Variants in STON1 observed in about 807,000 individuals in gnomAD.
The protein encoded by STON1 is stonin 1.
In STON1, 79 loss-of-function variants were observed where a neutral mutation model predicts 60.9. That is an observed-to-expected ratio of 1.30 (90% CI 1.08 to 1.56). The LOEUF is 1.56. Among genes scored for constraint, STON1 ranks in the 40% most tolerant of loss-of-function variants. The pLI, the probability that STON1 is intolerant of heterozygous loss-of-function variation, is 0.00. For missense variants in STON1, 1,166 were observed against 858.9 expected, an observed-to-expected ratio of 1.36 and a Z score of -4.47; for synonymous variants, 363 against 306.9, an observed-to-expected ratio of 1.18 and a Z score of -1.91.
chr2:48,543,828 G>A lies in STON1; in HGVS notation c.-48+13612G>A, dbSNP rs527530564. 2.4e-4 allele frequency among the ~76,000 whole-genome samples: 37 copies of A among 152,178 alleles called. 1 individual carries two copies. The South Asian group carries it at 7.1e-3, about 29-fold the overall frequency. On this transcript the variant is annotated intron_variant, in intron 1 of 3. Transcript: ENST00000404752. ...ATTACAGGCGTGAGCCACCACTCCCGACAACGATAACATTTTAAATGAAAA... is the reference window on the plus strand; with the variant it reads ...ATTACAGGCGTGAGCCACCACTCCCAACAACGATAACATTTTAAATGAAAA...
rs1330528971 is a variant in STON1, at chr2:48,581,856, A to G, written c.1223A>G (p.Lys408Arg). Reference protein sequence around the residue: ...MKLPAVSKPKKNYEEQEISLE... With the variant: ...MKLPAVSKPKRNYEEQEISLE... ...TTGCCAGCTGTTTCAAAACCAAAAAAGAACTACGAGGAGCAAGAAATTTCC... is the reference window on the plus strand; with the variant it reads ...TTGCCAGCTGTTTCAAAACCAAAAAGGAACTACGAGGAGCAAGAAATTTCC... The change falls in exon 2 of 4, where the codon AAG (lysine) becomes AGG (arginine). Residue 408 changes from lysine (K) to arginine (R), a missense_variant. By Grantham distance (26) the Lys-to-Arg change is conservative (BLOSUM62 2). Coordinates refer to ENST00000404752, the MANE Select transcript of STON1 (RefSeq NM_006873.4). The G allele has an allele frequency of 6.2e-7, 1 of 1,614,220 alleles. No individual in the cohort carries two copies. The highest frequency in any genetic ancestry group is 1.7e-5 in the Admixed American group (1 of 60,024).
chr2:48,585,476 C>G (rs530373755), intron 2 of STON1, among the ~76,000 whole-genome samples: 296 of 152,070 alleles, frequency 1.9e-3, no homozygotes, highest in African/African-American at 6.7e-3. Context: ...CTCGAACTCC[C>G]AACCTCAGGT....
In STON1 at chr2:48,560,798, C is replaced by T. The variant is rs115423819; in HGVS notation, c.-47-19789C>T. On this transcript the variant is annotated intron_variant, in intron 1 of 3. Transcript: ENST00000404752. Reference sequence around the variant, plus strand: ...GGCCTCTACCCCAGGCCCCAGCATCCATGCTGGGCAAGCAGGCCACGTGCT... The same window carrying T: ...GGCCTCTACCCCAGGCCCCAGCATCTATGCTGGGCAAGCAGGCCACGTGCT... Among the ~76,000 whole-genome samples the T allele has an allele frequency of 7.1e-3, 1,076 of 152,276 alleles. 6 individuals are homozygous for T. Among genetic ancestry groups the T allele is most frequent in the Non-Finnish European group, 0.011 (739 of 68,006 alleles).
intron 1 of STON1, among the ~76,000 whole-genome samples, chr2:48,546,395 T>C (rs1030532007): frequency 1.3e-5 from 2 of 152,200 alleles, no homozygotes; most frequent in Non-Finnish European, 2.9e-5. Flanking sequence ...CTCTGTGCAC[T>C]CTGTTCTGCC....
At chr2:48,531,888 C>T (rs887335047) in intron 1 of STON1, 1 of 151,998 alleles carries the variant, frequency 6.6e-6, no homozygotes, top group Non-Finnish European at 1.5e-5. Context: ...AGTATTGAAC[C>T]ATTTGGAAAT....
At chr2:48,547,590 T>G (rs1572933377) in intron 1 of STON1, among the ~76,000 whole-genome samples, 1 of 152,200 alleles carries the variant, frequency 6.6e-6, no homozygotes, top group African/African-American at 2.4e-5. Flanking sequence ...GGCTGGGCAG[T>G]GTGCTTTCAG....
chr2:48,542,228 C>T (rs185284995), intron 1 of STON1, among the ~76,000 whole-genome samples: 5 of 152,276 alleles, frequency 3.3e-5, no homozygotes, highest in African/African-American at 1.2e-4. Flanking sequence ...ATGCTGAAAG[C>T]AGTCTACACA....
intron 1 of STON1, among the ~76,000 whole-genome samples, chr2:48,579,122 G>T (rs1673722704): frequency 6.6e-6 from 1 of 151,428 alleles, no homozygotes; most frequent in Non-Finnish European, 1.5e-5. Flanking sequence ...TCCTGCCTCA[G>T]CCTCCTGAGT....
chr2:48,533,662 CAAAAAAA>C (rs57217272), intron 1 of STON1, among the ~76,000 whole-genome samples: 13 of 56,314 alleles, frequency 2.3e-4, no homozygotes, highest in African/African-American at 5.3e-4. Flanking sequence ...AACTCCGTCT[CAAAAAAA>C]AAAAAAAAAA....
intron 3 of STON1, among the ~76,000 whole-genome samples, chr2:48,592,285 C>T (rs372302563): frequency 6.6e-6 from 1 of 152,050 alleles, no homozygotes; most frequent in African/African-American, 2.4e-5. Context: ...ACTTGTTAAA[C>T]TTAGTTAACC....
At position 48,595,650 on chromosome 2, in the gene STON1, C is replaced by T. The variant is rs766722773; in HGVS notation, c.*348C>T. 12 of 264,334 alleles carry T rather than the reference C, an allele frequency of 4.5e-5. No individual in the cohort carries two copies. The highest frequency in any genetic ancestry group is 1.2e-4 in the African/African-American group (5 of 43,366). The allele number at this position is 264,334 out of a possible 1,614,324, so 16.4% of individuals were successfully genotyped here. A position where few individuals can be genotyped will look rare whatever the true frequency, so the allele number is the denominator to read the frequency against. On this transcript the variant is annotated 3_prime_UTR_variant, in exon 4 of 4. Transcript: ENST00000404752. Reference sequence around the variant, plus strand: ...TTTGCTCTCTGGATTACTGAGGTGCCGTCTTCATTTCTTCCCATCTCTTCT... The same window carrying T: ...TTTGCTCTCTGGATTACTGAGGTGCTGTCTTCATTTCTTCCCATCTCTTCT...
chr2:48,569,078 C>G (rs531590368), intron 1 of STON1: 2 of 152,314 alleles, frequency 1.3e-5, no homozygotes, highest in Admixed American at 1.3e-4. Context: ...ACTGGTCGAG[C>G]AACTTTAGGC....
Position 48,589,925 on chromosome 2 carries a change from A to G in STON1, c.1931-1728A>G, listed in dbSNP as rs571988699. Reference sequence around the variant, plus strand: ...ACTACTGCCCCAGTGCTGTATGCATATGAACTGGTTAATCCTCACAACAGC... The same window carrying G: ...ACTACTGCCCCAGTGCTGTATGCATGTGAACTGGTTAATCCTCACAACAGC... On this transcript the variant is annotated intron_variant, in intron 2 of 3. Transcript: ENST00000404752. 1.2e-4 allele frequency among the ~76,000 whole-genome samples: 18 copies of G among 152,336 alleles called. No individual in the cohort carries two copies. The South Asian group carries it at 3.1e-3, about 26-fold the overall frequency.
intron 2 of STON1, among the ~76,000 whole-genome samples, chr2:48,588,386 AAT>A (rs1467290786): frequency 6.6e-6 from 1 of 152,200 alleles, no homozygotes; most frequent in African/African-American, 2.4e-5. Context: ...ATGGAAACTG[AAT>A]GAATAGCACT....
chr2:48,550,105 C>A (rs555982797), intron 1 of STON1, among the ~76,000 whole-genome samples: 2 of 152,208 alleles, frequency 1.3e-5, no homozygotes, highest in South Asian at 4.1e-4. Context: ...TGGAGCAAGA[C>A]TTGCTCTCAC....
chr2:48,587,153 G>A (rs899779592), intron 2 of STON1, among the ~76,000 whole-genome samples: 12 of 152,194 alleles, frequency 7.9e-5, no homozygotes, highest in Non-Finnish European at 1.5e-4. Context: ...TGAGGCTCAG[G>A]TGTTGATGTT....
At chr2:48,554,422 CA>C (rs112115297) in intron 1 of STON1, among the ~76,000 whole-genome samples, 85 of 152,154 alleles carry the variant, frequency 5.6e-4, no homozygotes, top group African/African-American at 1.9e-3. Flanking sequence ...GGGGTTTTAC[CA>C]CGTTGGCCAG....
At chr2:48,569,914 A>G (rs1412000313) in intron 1 of STON1, among the ~76,000 whole-genome samples, 1 of 152,234 alleles carries the variant, frequency 6.6e-6, no homozygotes, top group African/African-American at 2.4e-5. Flanking sequence ...ATTTTGGAGC[A>G]ATTCAGATTT....
chr2:48,593,194 C>T (rs1035042663), intron 3 of STON1, among the ~76,000 whole-genome samples: 1 of 151,832 alleles, frequency 6.6e-6, no homozygotes, highest in African/African-American at 2.4e-5. Flanking sequence ...CGGCTCACTG[C>T]AACCTCCGCT....
Sources: allele counts gnomAD v4.1 joint callset (sites outside exome capture counted in the v4.1 genomes callset), GRCh38; gene constraint gnomAD v4.1.1; transcripts MANE v1.5; gene names NCBI Gene and HGNC (gene_info 2026-07-23, HGNC 2026-07-21).